ZFPM2: variants seen among roughly 807,000 people sequenced by gnomAD.
The protein encoded by ZFPM2 is zinc finger protein ZFPM2.
A neutral mutation model predicts 98.6 loss-of-function variants in ZFPM2; 20 were observed. The ratio of observed to expected loss-of-function variants is 0.20; its 90% confidence interval spans 0.14 to 0.29. The LOEUF (loss-of-function observed/expected upper bound fraction) is 0.29. Ranked by LOEUF, ZFPM2 falls within the 10% of genes least tolerant of loss-of-function variation. The probability of loss-of-function intolerance (pLI) is 1.00; values close to 1 mark genes in which losing one functional copy is unlikely to be tolerated. For missense variants in ZFPM2, 1,310 were observed against 1,388.6 expected, an observed-to-expected ratio of 0.94 and a Z score of 0.90; for synonymous variants, 518 against 502.7, an observed-to-expected ratio of 1.03 and a Z score of -0.41.
chr8:105,347,487 A>G (rs1341949301), intron 1 of ZFPM2, among the ~76,000 whole-genome samples: 1 of 152,238 alleles, frequency 6.6e-6, no homozygotes, highest in African/African-American at 2.4e-5. Flanking sequence ...GCCCCAGTTC[A>G]GTGTACTCTG....
chr8:105,390,663 C>T (rs972024919), intron 1 of ZFPM2, among the ~76,000 whole-genome samples: 4 of 152,164 alleles, frequency 2.6e-5, no homozygotes, highest in Non-Finnish European at 4.4e-5. Context: ...ATTCCAAGGG[C>T]TTTGGATTCC....
intron 1 of ZFPM2, among the ~76,000 whole-genome samples, chr8:105,330,505 A>T (rs1812190328): frequency 6.8e-6 from 1 of 146,406 alleles, no homozygotes; most frequent in South Asian, 2.1e-4. Context: ...ATATAGATTT[A>T]TATGGAACAA....
chr8:105,800,886 A>G (rs1350909930), intron 7 of ZFPM2, among the ~76,000 whole-genome samples, 161 bp from the exon 8 acceptor site: 1 of 152,202 alleles, frequency 6.6e-6, no homozygotes, highest in Non-Finnish European at 1.5e-5. Context: ...ATTATCATAC[A>G]CAGTAAGAGA....
At chr8:105,494,335 C>T (rs536740897) in intron 3 of ZFPM2, among the ~76,000 whole-genome samples, 8 of 151,080 alleles carry the variant, frequency 5.3e-5, no homozygotes, top group South Asian at 4.2e-4. Context: ...CTATCCATTC[C>T]GCACGCTTAA....
At chr8:105,784,328 T>G (rs1430213743) in intron 5 of ZFPM2, among the ~76,000 whole-genome samples, 1 of 128,426 alleles carries the variant, frequency 7.8e-6, no homozygotes, top group Admixed American at 7.2e-5. Context: ...TTTTAACTGG[T>G]CCACAATAGT....
chr8:105,752,930 A>T (rs1812511701), intron 5 of ZFPM2, among the ~76,000 whole-genome samples: 1 of 152,104 alleles, frequency 6.6e-6, no homozygotes, highest in Non-Finnish European at 1.5e-5. Context: ...ATTTTCTTAT[A>T]ATTGGGGAGA....
intron 5 of ZFPM2, among the ~76,000 whole-genome samples, chr8:105,723,767 G>A (rs1335710056): frequency 6.6e-6 from 1 of 151,814 alleles, no homozygotes; most frequent in East Asian, 1.9e-4. Context: ...AGTAGAGTTA[G>A]CCCGTTCCTT....
chr8:105,467,338 A>C (rs1812813374), intron 3 of ZFPM2, among the ~76,000 whole-genome samples: 1 of 152,170 alleles, frequency 6.6e-6, no homozygotes, highest in African/African-American at 2.4e-5. Context: ...GATAATATCT[A>C]CTACTGTGCT....
At chr8:105,406,926 C>T (rs548008019) in intron 1 of ZFPM2, among the ~76,000 whole-genome samples, 2 of 151,952 alleles carry the variant, frequency 1.3e-5, no homozygotes, top group South Asian at 2.1e-4. Context: ...CTCTTCCATA[C>T]GTTTTTGAGG....
chr8:105,544,965 G>A (rs1010424338), intron 3 of ZFPM2, among the ~76,000 whole-genome samples: 1 of 152,086 alleles, frequency 6.6e-6, no homozygotes, highest in African/African-American at 2.4e-5. Context: ...TTGGCTTTGA[G>A]AAGTCAAAAG....
At chr8:105,590,119 A>G (rs1007560444) in intron 4 of ZFPM2, among the ~76,000 whole-genome samples, 6 of 151,962 alleles carry the variant, frequency 3.9e-5, no homozygotes, top group African/African-American at 1.5e-4. Flanking sequence ...CTTCACCTTT[A>G]TTATTCTGCC....
At chr8:105,519,013 G>T (rs1196562557) in intron 3 of ZFPM2, among the ~76,000 whole-genome samples, 2 of 152,128 alleles carry the variant, frequency 1.3e-5, no homozygotes, top group Non-Finnish European at 2.9e-5. Flanking sequence ...ACATATATTT[G>T]GTGCTTCCTA....
chr8:105,396,335 G>A (rs570673904), intron 1 of ZFPM2, among the ~76,000 whole-genome samples: 6 of 152,334 alleles, frequency 3.9e-5, no homozygotes, highest in African/African-American at 1.4e-4. Flanking sequence ...AAGAATGTGA[G>A]TAGTTTATGT....
intron 3 of ZFPM2, among the ~76,000 whole-genome samples, chr8:105,524,503 A>T (rs7846407): frequency 0.24 from 35,476 of 149,670 alleles, 4,207 homozygotes; most frequent in African/African-American, 0.3. Flanking sequence ...TCTCTCTCTC[A>T]CACACACACA....
At chr8:105,623,612 A>G (rs1448785020) in intron 4 of ZFPM2, among the ~76,000 whole-genome samples, 1 of 152,224 alleles carries the variant, frequency 6.6e-6, no homozygotes, top group African/African-American at 2.4e-5. Context: ...TACATATTTC[A>G]GTGGATTCAT....
intron 4 of ZFPM2, among the ~76,000 whole-genome samples, chr8:105,633,241 C>A (rs1816785030): frequency 6.6e-6 from 1 of 152,148 alleles, no homozygotes; most frequent in Admixed American, 6.5e-5. Context: ...GGGCTGAGAT[C>A]TCTTTGGCAG....
At chr8:105,682,690 A>G (rs1420057784) in intron 5 of ZFPM2, among the ~76,000 whole-genome samples, 3 of 152,130 alleles carry the variant, frequency 2.0e-5, no homozygotes, top group Non-Finnish European at 4.4e-5. Flanking sequence ...ACTCAGTCAT[A>G]TGCTATATCT....
intron 1 of ZFPM2, among the ~76,000 whole-genome samples, chr8:105,348,475 A>G (rs956426578): frequency 1.3e-5 from 2 of 152,154 alleles, no homozygotes; most frequent in African/African-American, 2.4e-5. Context: ...TTTTGCTGTA[A>G]AATCAAAGTG....
intron 5 of ZFPM2, among the ~76,000 whole-genome samples, chr8:105,749,334 C>T (rs1159880739): frequency 5.9e-5 from 9 of 152,122 alleles, no homozygotes; most frequent in Middle Eastern, 6.8e-3. Context: ...AAAAAAGACT[C>T]CCTTGCATGC....
Sources: allele counts gnomAD v4.1 joint callset (sites outside exome capture counted in the v4.1 genomes callset), GRCh38; gene constraint gnomAD v4.1.1; transcripts MANE v1.5; gene names NCBI Gene and HGNC (gene_info 2026-07-23, HGNC 2026-07-21).